SPTLC3: variants seen among roughly 807,000 people sequenced by gnomAD.
The protein encoded by SPTLC3 is serine palmitoyltransferase long chain base subunit 3.
SPTLC3 carries 36 observed loss-of-function variants against 59.3 expected under a neutral mutation model. That is an observed-to-expected ratio of 0.61 (90% CI 0.47 to 0.80). The LOEUF (loss-of-function observed/expected upper bound fraction) is 0.80, where lower values mean the gene tolerates loss of function less well. SPTLC3 is among the 30% of genes least tolerant of loss of function. SPTLC3 has a pLI of 0.00. For synonymous variants in SPTLC3, 257 were observed against 240.8 expected (o/e 1.07, Z -0.62); for missense variants, 625 against 685.1 (o/e 0.91, Z 0.98).
chr20:13,131,505 T>C (rs1157846926), intron 9 of SPTLC3, among the ~76,000 whole-genome samples: 1 of 152,240 alleles, frequency 6.6e-6, no homozygotes, highest in Non-Finnish European at 1.5e-5. Flanking sequence ...CATAGTACTT[T>C]CAACACATCT....
chr20:13,077,903 C>T (rs1988702671), intron 4 of SPTLC3, among the ~76,000 whole-genome samples: 1 of 151,282 alleles, frequency 6.6e-6, no homozygotes, highest in Admixed American at 6.6e-5. Flanking sequence ...TGCCTCAGCC[C>T]CCAAAATGCT....
rs1189571833 is a variant in SPTLC3 at position 13,117,495 on chromosome 20, T to C, written c.933-11T>C. The C allele has an allele frequency of 6.4e-7, 1 of 1,564,386 alleles. No individual in the cohort carries two copies. The highest frequency in any genetic ancestry group is 8.7e-7 in the Non-Finnish European group (1 of 1,155,872). ...ATTTGTTAGTTATGAGCATTTCTCC[T>C]TCTGCCCTAGCATGGAAGGTTCCAT... On this transcript the variant is annotated splice_polypyrimidine_tract_variant and intron_variant, in intron 7 of 11. Coordinates refer to ENST00000399002, the MANE Select transcript of SPTLC3 (RefSeq NM_018327.4).
chr20:13,163,293 G>A (rs566184117), intron 11 of SPTLC3, among the ~76,000 whole-genome samples: 10 of 150,698 alleles, frequency 6.6e-5, no homozygotes, highest in East Asian at 5.9e-4. Flanking sequence ...ACTTGAACCC[G>A]GGAGGCGGAG....
chr20:13,053,367 TC>T lies in SPTLC3; in HGVS notation c.303+4239del, dbSNP rs1724681853. Among the ~76,000 whole-genome samples the T allele has an allele frequency of 4.6e-5, 7 of 151,920 alleles. No homozygotes were observed. In the South Asian group the frequency reaches 1.5e-3, roughly 32 times the overall value. ...AGCGTCAACATCAACAAAAAGGACG[TC>T]CACACAAAAACCCCATTCGAAGGTC... On this transcript the variant is annotated intron_variant, in intron 2 of 11. Transcript: ENST00000399002.
At chr20:13,026,608 A>G (rs549904687) in intron 1 of SPTLC3, among the ~76,000 whole-genome samples, 3 of 152,212 alleles carry the variant, frequency 2.0e-5, no homozygotes, top group Non-Finnish European at 4.4e-5. Context: ...AAGCATCAAT[A>G]CGTCTTCAAA....
intron 1 of SPTLC3, among the ~76,000 whole-genome samples, chr20:13,030,561 C>A (rs1298960205): frequency 6.6e-6 from 1 of 152,158 alleles, no homozygotes; most frequent in Non-Finnish European, 1.5e-5. Flanking sequence ...CCCTGCATCA[C>A]CTCCTCAGCC....
chr20:13,114,915 A>G (rs1990448710), intron 7 of SPTLC3, among the ~76,000 whole-genome samples: 1 of 152,192 alleles, frequency 6.6e-6, no homozygotes, highest in South Asian at 2.1e-4. Flanking sequence ...CTTAGCTAAG[A>G]CATTATGTAA....
intron 3 of SPTLC3, 75 bp from the exon 4 acceptor site, chr20:13,074,274 T>C (rs996121110): frequency 6.4e-7 from 1 of 1,570,800 alleles, no homozygotes; most frequent in Non-Finnish European, 8.7e-7. Context: ...AACCCAAGTC[T>C]TCCACCAGGG....
intron 1 of SPTLC3, among the ~76,000 whole-genome samples, chr20:13,021,483 A>G (rs901269856): frequency 1.3e-5 from 2 of 151,938 alleles, no homozygotes; most frequent in Admixed American, 6.6e-5. Context: ...AGTCTTATCT[A>G]TAGAGCCTAC....
At chr20:13,009,845 G>A (rs996232531) in intron 1 of SPTLC3, among the ~76,000 whole-genome samples, 1 of 152,152 alleles carries the variant, frequency 6.6e-6, no homozygotes, top group Non-Finnish European at 1.5e-5. Flanking sequence ...CTGTTTGAAA[G>A]GCGAGTTATT....
At chr20:13,054,194 G>A (rs1025167218) in intron 2 of SPTLC3, among the ~76,000 whole-genome samples, 7 of 152,180 alleles carry the variant, frequency 4.6e-5, no homozygotes, top group Admixed American at 4.6e-4. Flanking sequence ...TCCAATGACC[G>A]AGTGTTGTGA....
At chr20:13,010,189 T>A (rs360528) in intron 1 of SPTLC3, among the ~76,000 whole-genome samples, 1 of 151,912 alleles carries the variant, frequency 6.6e-6, no homozygotes. Context: ...CCACAGGACA[T>A]CCCGTGTCAC....
chr20:13,056,093 G>A (rs538240422), intron 2 of SPTLC3, among the ~76,000 whole-genome samples: 58 of 152,286 alleles, frequency 3.8e-4, no homozygotes, highest in African/African-American at 1.4e-3. Flanking sequence ...AGTTCTGAAC[G>A]ATGGGCTATG....
At chr20:13,022,506 T>G (rs1179536656) in intron 1 of SPTLC3, among the ~76,000 whole-genome samples, 1 of 152,142 alleles carries the variant, frequency 6.6e-6, no homozygotes, top group African/African-American at 2.4e-5. Context: ...GGGTCTCAGC[T>G]AGGATGACTC....
rs879396636 is a variant in SPTLC3 at position 13,116,317 on chromosome 20, C to T, written c.933-1189C>T. 2.6e-5 allele frequency among the ~76,000 whole-genome samples: 4 copies of T among 152,252 alleles called. No individual in the cohort carries two copies. In the East Asian group the frequency reaches 7.7e-4, roughly 29 times the overall value. On this transcript the variant is annotated intron_variant, in intron 7 of 11. Coordinates refer to ENST00000399002, the MANE Select transcript of SPTLC3 (RefSeq NM_018327.4). ...GAATTAGCTCTTGAACTAACCTAAA[C>T]GGTTGTTTGAATTGTTTGACAAGTT...
At chr20:13,026,098 T>C (rs1025734061) in intron 1 of SPTLC3, among the ~76,000 whole-genome samples, 3 of 152,240 alleles carry the variant, frequency 2.0e-5, no homozygotes, top group African/African-American at 7.2e-5. Flanking sequence ...ATGGTGTATG[T>C]GTAACACATT....
chr20:13,074,458 G>T lies in SPTLC3; in HGVS notation c.568G>T (p.Val190Leu), dbSNP rs756668458. 1.2e-6 allele frequency: 2 copies of T among 1,614,060 alleles called. No individual in the cohort carries two copies. Among genetic ancestry groups the T allele is most frequent in the Admixed American group, 1.7e-5 (1 of 60,012 alleles). ...SMRTIKDVLE[V>L]YGTGVASTRH... ...GAGGACAATAAAGGATGTTTTAGAG[G>T]TGTATGGCACAGGCGTGGCCAGCAC... Residue 190 changes from valine to leucine, a missense_variant, in exon 4 of 12, where the codon GTG (valine) becomes TTG (leucine). Val to Leu is a conservative substitution (Grantham distance 32). Coordinates refer to ENST00000399002, the MANE Select transcript of SPTLC3 (RefSeq NM_018327.4).
intron 4 of SPTLC3, 113 bp from the exon 5 acceptor site, chr20:13,090,970 T>A (rs987548264): frequency 7.0e-7 from 1 of 1,421,598 alleles, no homozygotes; most frequent in African/African-American, 1.4e-5. Context: ...ATCTTCCTGC[T>A]ACAAGCACTC....
intron 8 of SPTLC3, among the ~76,000 whole-genome samples, chr20:13,119,055 A>G (rs1275588635): frequency 2.0e-5 from 3 of 152,186 alleles, no homozygotes; most frequent in African/African-American, 7.2e-5. Context: ...ATTCAGCTAA[A>G]TCTGGTGAAA....
Sources: gnomAD v4.1 joint callset for allele counts (sites outside exome capture counted in the v4.1 genomes callset) on GRCh38, gnomAD v4.1.1 for gene constraint, MANE v1.5 for transcripts, NCBI Gene and HGNC (gene_info 2026-07-23, HGNC 2026-07-21) for gene names.